RASAL1: variants seen among roughly 807,000 people sequenced by gnomAD.
The protein encoded by RASAL1 is rasGAP-activating-like protein 1.
A neutral mutation model predicts 96.6 loss-of-function variants in RASAL1; 72 were observed. That is an observed-to-expected ratio of 0.75 (90% CI 0.62 to 0.91). The LOEUF (loss-of-function observed/expected upper bound fraction) is 0.91, where lower values mean the gene tolerates loss of function less well. Among genes scored for constraint, RASAL1 ranks in the 40% least tolerant of loss-of-function variants. The pLI is 0.00. For missense variants in RASAL1, 1,016 were observed against 1,072.5 expected, an observed-to-expected ratio of 0.95 and a Z score of 0.74; for synonymous variants, 405 against 430.4, an observed-to-expected ratio of 0.94 and a Z score of 0.73.
intron 12 of RASAL1, 71 bp from the exon 13 acceptor site, chr12:113,112,349 C>T (rs1950900150): frequency 1.7e-6 from 2 of 1,176,102 alleles, no homozygotes; most frequent in Non-Finnish European, 2.2e-6. Context: ...CCACCGGCCC[C>T]GCTGAGCTCC....
upstream of RASAL1, among the ~76,000 whole-genome samples, chr12:113,136,436 T>A (rs867423013): frequency 4.6e-5 from 7 of 152,332 alleles, 1 homozygote; most frequent in Admixed American, 4.6e-4. Context: ...TCTCCAGATG[T>A]GCACTACACA....
intron 2 of RASAL1, 64 bp from the exon 3 acceptor site, chr12:113,128,242 C>CCACACA: frequency 2.8e-6 from 2 of 721,486 alleles, no homozygotes; most frequent in Non-Finnish European, 4.7e-6. Context: ...ACCTGGAGAC[C>CCACACA]CAGACACACA....
chr12:113,104,374 T>G (rs1365419622), intron 16 of RASAL1, 76 bp from the exon 17 acceptor site: 4 of 1,413,312 alleles, frequency 2.8e-6, no homozygotes, highest in Non-Finnish European at 3.9e-6. Flanking sequence ...TCTGGTTGTG[T>G]GCAGCAGGTG....
intron 14 of RASAL1, chr12:113,107,636 A>G (rs767972223): frequency 2.0e-5 from 8 of 404,882 alleles, no homozygotes; most frequent in Non-Finnish European, 3.4e-5. Flanking sequence ...AAAAAAATAA[A>G]TCAATAAGAA....
chr12:113,133,725 G>A (rs868634808), intron 1 of RASAL1, among the ~76,000 whole-genome samples: 1 of 152,206 alleles, frequency 6.6e-6, no homozygotes, highest in Non-Finnish European at 1.5e-5. Context: ...GAAGGGTGCT[G>A]ACAGCTAGGG....
intron 7 of RASAL1, among the ~76,000 whole-genome samples, chr12:113,117,677 A>C (rs1162945647): frequency 6.6e-6 from 1 of 152,178 alleles, no homozygotes; most frequent in Non-Finnish European, 1.5e-5. Context: ...TGATTCCAGA[A>C]CATTGTCTAT....
rs931342867 is a variant in RASAL1 at position 113,129,045 on chromosome 12, T to C, written c.123-867A>G. Among the ~76,000 whole-genome samples, 3 of 151,904 alleles carry C rather than the reference T, an allele frequency of 2.0e-5. No homozygotes were observed. Among genetic ancestry groups the C allele is most frequent in the Non-Finnish European group, 4.4e-5 (3 of 67,986 alleles). On this transcript the variant is annotated intron_variant, in intron 2 of 20. Transcript: ENST00000548055. This position sits in a 1 kb window ranked among gnomAD's most constrained non-coding sequence, Gnocchi z 5.0. ...TGTTCATTCGTTTACTCCATAAACA[T>C]TCACTTGGACTATGGGCCCAGCCTG...
chr12:113,120,426 C>T (rs1168694077), intron 5 of RASAL1, among the ~76,000 whole-genome samples: 2 of 152,144 alleles, frequency 1.3e-5, no homozygotes, highest in Non-Finnish European at 2.9e-5. Flanking sequence ...GAAGCCCCAG[C>T]TGAGGCCAAG....
intron 1 of RASAL1, among the ~76,000 whole-genome samples, chr12:113,133,525 C>G (rs532891031): frequency 1.3e-5 from 2 of 152,298 alleles, no homozygotes; most frequent in Admixed American, 6.5e-5. Flanking sequence ...GCTACTATTT[C>G]TAATAGTAAA....
Position 113,130,663 on chromosome 12 carries a change from C to A in RASAL1, c.122+222G>T, listed in dbSNP as rs1173164867. On this transcript the variant is annotated intron_variant, in intron 2 of 20. Transcript: ENST00000548055. This position sits in a 1 kb window ranked among gnomAD's most constrained non-coding sequence, Gnocchi z 5.1. Reference sequence around the variant, plus strand: ...CACAGGCTGGCAGCGCTGAGTCAGCCCCAGGGAGCCAGCAGGGACAGCATT... The same window carrying A: ...CACAGGCTGGCAGCGCTGAGTCAGCACCAGGGAGCCAGCAGGGACAGCATT... 1.3e-5 allele frequency among the ~76,000 whole-genome samples: 2 copies of A among 152,122 alleles called. No homozygotes were observed. Among genetic ancestry groups the A allele is most frequent in the Non-Finnish European group, 2.9e-5 (2 of 68,018 alleles).
chr12:113,100,268 C>T (rs542942303), intron 20 of RASAL1, among the ~76,000 whole-genome samples, 200 bp from the exon 21 acceptor site: 16 of 152,208 alleles, frequency 1.1e-4, no homozygotes, highest in African/African-American at 2.2e-4. Flanking sequence ...GAAGTGCCTG[C>T]GAAGAAAAAG....
intron 18 of RASAL1, among the ~76,000 whole-genome samples, chr12:113,103,268 T>C (rs1181944650): frequency 6.7e-6 from 1 of 150,358 alleles, no homozygotes; most frequent in Non-Finnish European, 1.5e-5. Flanking sequence ...TGTAATACAT[T>C]GTTATACATT....
At position 113,099,994 on chromosome 12, in the gene RASAL1, G is replaced by C; in HGVS notation, c.2353C>G (p.Arg785Gly). Residue 785 changes from arginine to glycine, a missense_variant, in exon 21 of 21, where the codon CGT becomes GGT. Coordinates refer to ENST00000548055, the MANE Select transcript of RASAL1 (RefSeq NM_001301202.2). The part of the protein sequence containing the change: ...RLLEVLADLD[R>G]AHEEFQQQER... ...TGCTGCTGGAACTCCTCGTGGGCAC[G>C]ATCCAGGTCTGCGAGCACCTCCAGC... is the stretch of plus-strand genomic sequence containing the variant. The C allele has an allele frequency of 1.2e-6, 2 of 1,613,850 alleles. No individual in the cohort carries two copies. Among genetic ancestry groups the C allele is most frequent in the Non-Finnish European group, 1.7e-6 (2 of 1,179,814 alleles).
At position 113,115,497 on chromosome 12, in the gene RASAL1, G is replaced by A; in HGVS notation, c.1003+138C>T. The A allele has an allele frequency of 8.0e-7, 1 of 1,242,402 alleles. No individual in the cohort carries two copies. The highest frequency in any genetic ancestry group is 1.5e-5 in the South Asian group (1 of 66,046). 77.0% of individuals were successfully genotyped at this position (1,242,402 alleles called of 1,614,324 possible). ...CCTGCAATTGGGCTCCCAACTGTCT[G>A]GAGGTGCACAGCACAGGGACCCACA... On this transcript the variant is annotated intron_variant, in intron 10 of 20. Transcript: ENST00000548055. This position sits in a 1 kb window ranked among gnomAD's most constrained non-coding sequence, Gnocchi z 4.1.
chr12:113,102,312 C>T (rs1950477586), intron 18 of RASAL1, among the ~76,000 whole-genome samples: 2 of 152,304 alleles, frequency 1.3e-5, no homozygotes, highest in South Asian at 4.1e-4. Context: ...AATCCCAGAA[C>T]TTTGGGAGGC....
chr12:113,132,457 G>A (rs1951757318), intron 1 of RASAL1, among the ~76,000 whole-genome samples: 1 of 152,112 alleles, frequency 6.6e-6, no homozygotes, highest in Non-Finnish European at 1.5e-5. Context: ...TCTGGAGCAC[G>A]GAGTAACAGT....
intron 12 of RASAL1, among the ~76,000 whole-genome samples, chr12:113,113,190 G>A (rs891930790): frequency 2.5e-4 from 38 of 152,188 alleles, no homozygotes; most frequent in African/African-American, 9.2e-4. Flanking sequence ...CACCTAGAGT[G>A]ACAGCTGGGG....
chr12:113,114,237 C>G (rs1014623716), intron 12 of RASAL1, among the ~76,000 whole-genome samples: 1 of 152,072 alleles, frequency 6.6e-6, no homozygotes, highest in Admixed American at 6.6e-5. Context: ...CTTCGGGAGA[C>G]CAAGGCAGGA....
rs572057047 is a variant in RASAL1 at position 113,114,582 on chromosome 12, AC to A, written c.1181+217del. On this transcript the variant is annotated intron_variant, in intron 12 of 20. Coordinates refer to ENST00000548055, the MANE Select transcript of RASAL1 (RefSeq NM_001301202.2). ...CAGTAGTGGCAAAGCTAAGATTTGA[AC>A]CCAGGGCGCTTAGCATCAGAGTCCT... Among the ~76,000 whole-genome samples the A allele has an allele frequency of 2.2e-4, 34 of 152,248 alleles. No individual in the cohort carries two copies. The South Asian group carries it at 5.4e-3, about 24-fold the overall frequency.
Sources: allele counts gnomAD v4.1 joint callset (sites outside exome capture counted in the v4.1 genomes callset), GRCh38; gene constraint gnomAD v4.1.1; non-coding constraint Gnocchi (gnomAD v3.1); transcripts MANE v1.5; gene names NCBI Gene and HGNC (gene_info 2026-07-23, HGNC 2026-07-21).